The following PCBP3 variants were observed in gnomAD, a reference collection of about 807,000 sequenced individuals.
The protein encoded by PCBP3 is poly(rC) binding protein 3, also known as poly(rC)-binding protein 3.
In PCBP3, 25 loss-of-function variants were observed where a neutral mutation model predicts 52.7. The observed-to-expected ratio is 0.47, with a 90% CI of 0.35 to 0.66. The LOEUF (loss-of-function observed/expected upper bound fraction) is 0.66. PCBP3 is among the 30% of genes least tolerant of loss of function. The pLI, the probability that PCBP3 is intolerant of heterozygous loss-of-function variation, is 0.01. For synonymous variants in PCBP3, 162 were observed against 183.0 expected (o/e 0.89, Z 0.93); for missense variants, 391 against 490.3 (o/e 0.80, Z 1.91).
At chr21:45,690,778 A>T (rs974972137) in intron 2 of PCBP3, among the ~76,000 whole-genome samples, 1 of 152,184 alleles carries the variant, frequency 6.6e-6, no homozygotes, top group Admixed American at 6.6e-5. Context: ...AATATCTATC[A>T]TTAGTCTTTA....
chr21:45,814,846 G>A (rs2092818968), intron 4 of PCBP3, among the ~76,000 whole-genome samples: 1 of 130,012 alleles, frequency 7.7e-6, no homozygotes, highest in South Asian at 2.7e-4. Flanking sequence ...TGAATGATGA[G>A]TGAGTGGTGA....
At chr21:45,936,654 A>G (rs914496948) in intron 16 of PCBP3, among the ~76,000 whole-genome samples, 17 of 152,244 alleles carry the variant, frequency 1.1e-4, no homozygotes, top group African/African-American at 2.4e-4. Flanking sequence ...TCCTCCAGGT[A>G]GTAAAGCCAC....
chr21:45,674,029 G>A (rs1319892519), intron 2 of PCBP3, among the ~76,000 whole-genome samples: 1 of 152,144 alleles, frequency 6.6e-6, no homozygotes, highest in Non-Finnish European at 1.5e-5. Context: ...GTGCTAGACT[G>A]CTGGTTTGAG....
At chr21:45,783,586 G>A (rs775145329) in intron 4 of PCBP3, among the ~76,000 whole-genome samples, 3 of 152,170 alleles carry the variant, frequency 2.0e-5, no homozygotes, top group Admixed American at 6.5e-5. Context: ...AGCGCACAGC[G>A]GAGTGAGAAG....
chr21:45,743,611 G>A (rs1471068468), intron 3 of PCBP3, among the ~76,000 whole-genome samples: 1 of 152,114 alleles, frequency 6.6e-6, no homozygotes, highest in Non-Finnish European at 1.5e-5. Context: ...ATTGGGACTA[G>A]AATAAGGGTT....
chr21:45,660,521 G>A (rs2080319775), intron 1 of PCBP3, among the ~76,000 whole-genome samples: 1 of 152,070 alleles, frequency 6.6e-6, no homozygotes, highest in Non-Finnish European at 1.5e-5. Flanking sequence ...TCTATGCAAT[G>A]TCTTTTTGAA....
Position 45,914,032 on chromosome 21 carries a change from G to A in PCBP3, c.675+7G>A. On this transcript the variant is annotated splice_region_variant and intron_variant, in intron 12 of 17. Transcript: ENST00000681687. ...CATTTTTGCAGGTGGTCAGGTAAGAGCCGATCCGCTCGCGGCCTCCACTGC... is the reference window on the plus strand; with the variant it reads ...CATTTTTGCAGGTGGTCAGGTAAGAACCGATCCGCTCGCGGCCTCCACTGC... 1.9e-6 allele frequency: 3 copies of A among 1,613,532 alleles called. No individual in the cohort carries two copies. The highest frequency in any genetic ancestry group is 1.1e-5 in the South Asian group (1 of 91,082).
chr21:45,796,137 A>G (rs1426157043), intron 4 of PCBP3, among the ~76,000 whole-genome samples: 1 of 152,214 alleles, frequency 6.6e-6, no homozygotes, highest in South Asian at 2.1e-4. Context: ...AGGGAGGGTC[A>G]TGTGTGAGGT....
chr21:45,818,343 G>T (rs1231905150), intron 4 of PCBP3, among the ~76,000 whole-genome samples: 2 of 152,104 alleles, frequency 1.3e-5, no homozygotes, highest in South Asian at 2.1e-4. Flanking sequence ...TTCACGGATG[G>T]TCATAGTTTG....
intron 5 of PCBP3, among the ~76,000 whole-genome samples, chr21:45,892,116 G>A (rs370790982): frequency 6.6e-6 from 1 of 152,186 alleles, no homozygotes; most frequent in Admixed American, 6.5e-5. Context: ...GGTGCCCTCG[G>A]GCAGGCAGAG....
At chr21:45,845,611 ATG>A (rs2093793087) in intron 4 of PCBP3, among the ~76,000 whole-genome samples, 1 of 147,180 alleles carries the variant, frequency 6.8e-6, no homozygotes, top group Non-Finnish European at 1.5e-5. Context: ...GTGTGTATGC[ATG>A]TGTGTGAACT....
intron 4 of PCBP3, among the ~76,000 whole-genome samples, chr21:45,809,050 GC>G (rs1418131251): frequency 6.6e-6 from 1 of 152,050 alleles, no homozygotes; most frequent in Non-Finnish European, 1.5e-5. Flanking sequence ...GGGGTGGGGG[GC>G]TAGGCAAGGG....
rs563333238 is a variant in PCBP3 at position 45,729,814 on chromosome 21, A to G, written c.-199-5578A>G. On this transcript the variant is annotated intron_variant, in intron 2 of 17. Transcript: ENST00000681687. The stretch of plus-strand genomic sequence containing the variant: ...TTTACTTCTATTTATATATTTTTAG[A>G]GACAGAGGCTTGCTCTGTAACCTTG... 4.6e-5 allele frequency among the ~76,000 whole-genome samples: 7 copies of G among 152,104 alleles called. No homozygotes were observed. The South Asian group carries it at 1.5e-3, about 32-fold the overall frequency.
chr21:45,761,076 C>CA (rs774039072), intron 4 of PCBP3: 200 of 128,936 alleles, frequency 1.6e-3, no homozygotes, highest in Middle Eastern at 3.8e-3. Context: ...GACTCCATCT[C>CA]AAAAAAAAAA....
At chr21:45,793,873 A>G (rs141898404) in intron 4 of PCBP3, among the ~76,000 whole-genome samples, 1 of 152,306 alleles carries the variant, frequency 6.6e-6, no homozygotes, top group East Asian at 1.9e-4. Flanking sequence ...GTCTTCAGAT[A>G]GTGAAGGACT....
At chr21:45,657,849 C>T (rs1262107673) in intron 1 of PCBP3, among the ~76,000 whole-genome samples, 1 of 152,104 alleles carries the variant, frequency 6.6e-6, no homozygotes, top group Non-Finnish European at 1.5e-5. Flanking sequence ...ATTATATTAT[C>T]TGCAGATATA....
At chr21:45,873,936 A>G (rs948802930) in intron 5 of PCBP3, among the ~76,000 whole-genome samples, 8 of 152,188 alleles carry the variant, frequency 5.3e-5, no homozygotes, top group African/African-American at 1.9e-4. Context: ...GCTAATCTTC[A>G]AATATTTTGT....
intron 9 of PCBP3, among the ~76,000 whole-genome samples, chr21:45,909,148 C>T (rs2096276791): frequency 6.6e-6 from 1 of 152,040 alleles, no homozygotes; most frequent in South Asian, 2.1e-4. Flanking sequence ...TCCTGCCTTG[C>T]CGTCTGTGTG....
At position 45,643,740 on chromosome 21, in the gene PCBP3, G is replaced by T. The variant is rs1211835064; in HGVS notation, c.-407G>T. ...CGCGACCGCCGCCTCAGCCGCCTCA[G>T]CCGCGGTCGCCGCCGCTTCGGCTGA... On this transcript the variant is annotated 5_prime_UTR_variant, in exon 1 of 18. Transcript: ENST00000681687. 2.0e-5 allele frequency: 3 copies of T among 148,304 alleles called. No individual in the cohort carries two copies. The highest frequency in any genetic ancestry group is 4.5e-5 in the Non-Finnish European group (3 of 66,648). 9.2% of individuals were successfully genotyped at this position (148,304 alleles called of 1,614,324 possible). A position where few individuals can be genotyped will look rare whatever the true frequency, so the allele number is the denominator to read the frequency against.
Sources: allele counts gnomAD v4.1 joint callset (sites outside exome capture counted in the v4.1 genomes callset), GRCh38; gene constraint gnomAD v4.1.1; transcripts MANE v1.5; gene names NCBI Gene and HGNC (gene_info 2026-07-23, HGNC 2026-07-21).